The following WDR37 variants were observed in gnomAD, a reference collection of about 807,000 sequenced individuals.
WDR37 encodes the protein WD repeat domain 37, also known as WD repeat-containing protein 37.
Under a neutral mutation model 62.9 loss-of-function variants are expected in WDR37, and 19 were observed. That is an observed-to-expected ratio of 0.30 (90% confidence interval 0.21 to 0.44). The LOEUF (loss-of-function observed/expected upper bound fraction) is 0.44, where lower values mean the gene tolerates loss of function less well. WDR37 is among the 20% of genes least tolerant of loss of function. The pLI is 1.00. For missense variants in WDR37, 474 were observed against 657.6 expected, an observed-to-expected ratio of 0.72 and a Z score of 3.05; for synonymous variants, 250 against 260.9, an observed-to-expected ratio of 0.96 and a Z score of 0.40.
intron 1 of WDR37, among the ~76,000 whole-genome samples, chr10:1,063,502 C>T (rs1416783546): frequency 1.3e-5 from 2 of 152,196 alleles, no homozygotes; most frequent in Non-Finnish European, 2.9e-5. Context: ...GCAGGTACTT[C>T]AGATTCCCAC....
chr10:1,106,361 A>G (rs1835021696), intron 11 of WDR37, among the ~76,000 whole-genome samples: 1 of 151,734 alleles, frequency 6.6e-6, no homozygotes, highest in South Asian at 2.1e-4. Flanking sequence ...GCTGCTCTCC[A>G]CCCCGACGTC....
intron 13 of WDR37, among the ~76,000 whole-genome samples, chr10:1,126,009 G>T (rs969094488): frequency 2.0e-5 from 3 of 152,174 alleles, no homozygotes; most frequent in Non-Finnish European, 4.4e-5. Context: ...TTCCCTGGCG[G>T]CTCTGCTGTG....
Position 1,105,409 on chromosome 10 carries a change from A to G in WDR37, c.1103+142A>G. The G allele has an allele frequency of 8.6e-7, 1 of 1,157,646 alleles. No homozygotes were observed. The highest frequency in any genetic ancestry group is 1.2e-6 in the Non-Finnish European group (1 of 835,018). 71.7% of individuals were successfully genotyped at this position (1,157,646 alleles called of 1,614,324 possible). On this transcript the variant is annotated intron_variant, in intron 11 of 13. Transcript: ENST00000263150. The surrounding 1 kb of genome is among the most constrained non-coding windows in gnomAD (Gnocchi z 5.3). ...AAATAACTACCTTTCAAATTCTGCTATTCTTTTTCTAAACATTTAGCTCCA... is the reference window on the plus strand; with the variant it reads ...AAATAACTACCTTTCAAATTCTGCTGTTCTTTTTCTAAACATTTAGCTCCA...
At chr10:1,060,597 GT>G (rs1777498198) in intron 1 of WDR37, among the ~76,000 whole-genome samples, 1 of 152,164 alleles carries the variant, frequency 6.6e-6, no homozygotes, top group South Asian at 2.1e-4. Flanking sequence ...CTCTTTGCTT[GT>G]ATTTAGGTAA....
chr10:1,076,201 T>C (rs1360687697), intron 2 of WDR37, among the ~76,000 whole-genome samples: 1 of 152,108 alleles, frequency 6.6e-6, no homozygotes, highest in East Asian at 1.9e-4. Context: ...ATTCAGTAGA[T>C]TCAGTATTTA....
chr10:1,073,932 G>C (rs1330971790), intron 2 of WDR37, among the ~76,000 whole-genome samples: 1 of 152,120 alleles, frequency 6.6e-6, no homozygotes, highest in Non-Finnish European at 1.5e-5. Context: ...TGGGCCTGTG[G>C]ACCCCGTTCA....
intron 7 of WDR37, among the ~76,000 whole-genome samples, chr10:1,091,100 G>A (rs1589098981): frequency 6.6e-6 from 1 of 152,300 alleles, no homozygotes; most frequent in East Asian, 1.9e-4. Flanking sequence ...TTTTGAGTGG[G>A]TGAGCAGTGC....
rs539834325 is a variant in WDR37, at chr10:1,115,041, T to TG, written c.1104-9177_1104-9176insG. Among the ~76,000 whole-genome samples the TG allele has an allele frequency of 1.0e-3, 154 of 152,058 alleles. 1 individual carries two copies. The highest frequency in any genetic ancestry group is 2.5e-3 in the African/African-American group (103 of 41,530). ...CATCTCCCTTTTTTGTTTTTTTTTTTTTGTTGTTGTTATTTTGGTTGCTAT... is the reference window on the plus strand; with the variant it reads ...CATCTCCCTTTTTTGTTTTTTTTTTTGTTGTTGTTGTTATTTTGGTTGCTAT... On this transcript the variant is annotated intron_variant, in intron 11 of 13. Transcript: ENST00000263150.
intron 1 of WDR37, among the ~76,000 whole-genome samples, chr10:1,068,355 C>CCTGTAGTCCCAACCACTCGGGAGG (rs755345670): frequency 1.7e-5 from 2 of 115,496 alleles, no homozygotes; most frequent in Non-Finnish European, 3.6e-5. Flanking sequence ...GTGGCGGGCG[C>CCTGTAGTCCCAACCACTCGGGAGG]CTGAGGCAGG....
At chr10:1,126,601 A>C (rs1054574690) in intron 13 of WDR37, among the ~76,000 whole-genome samples, 3 of 152,156 alleles carry the variant, frequency 2.0e-5, no homozygotes, top group African/African-American at 7.2e-5. Flanking sequence ...GCCTGCCGGC[A>C]GCTTGGGTGG....
At chr10:1,108,759 C>T (rs1835110793) in intron 11 of WDR37, among the ~76,000 whole-genome samples, 1 of 137,316 alleles carries the variant, frequency 7.3e-6, no homozygotes, top group African/African-American at 2.6e-5. Context: ...CCCGTGGAAC[C>T]TGCAGGGCCC....
At chr10:1,068,033 A>G (rs1383516773) in intron 1 of WDR37, among the ~76,000 whole-genome samples, 1 of 152,114 alleles carries the variant, frequency 6.6e-6, no homozygotes, top group Non-Finnish European at 1.5e-5. Flanking sequence ...CATGGAGGTA[A>G]ACAGTGGAAA....
chr10:1,064,703 C>G (rs991270590), intron 1 of WDR37, among the ~76,000 whole-genome samples: 1 of 141,382 alleles, frequency 7.1e-6, no homozygotes, highest in Non-Finnish European at 1.5e-5. Flanking sequence ...TCAAGCAGTT[C>G]TGCCCTAGCC....
intron 13 of WDR37, among the ~76,000 whole-genome samples, chr10:1,126,329 C>T (rs1324411490): frequency 6.6e-6 from 1 of 151,172 alleles, no homozygotes; most frequent in Non-Finnish European, 1.5e-5. Flanking sequence ...TGGCGTGAAC[C>T]CAGGAGGCGG....
At chr10:1,065,299 T>C (rs1310613438) in intron 1 of WDR37, among the ~76,000 whole-genome samples, 1 of 152,168 alleles carries the variant, frequency 6.6e-6, no homozygotes, top group Non-Finnish European at 1.5e-5. Context: ...TTTGTATACT[T>C]TATGTGAACT....
intron 7 of WDR37, among the ~76,000 whole-genome samples, chr10:1,091,769 A>G (rs180881014): frequency 9.8e-5 from 15 of 152,310 alleles, no homozygotes; most frequent in Admixed American, 5.9e-4. Flanking sequence ...TCTGTGTTCA[A>G]TGCTGGCATT....
At chr10:1,097,407 A>C (rs1162561558) in intron 9 of WDR37, among the ~76,000 whole-genome samples, 1 of 152,202 alleles carries the variant, frequency 6.6e-6, no homozygotes, top group Non-Finnish European at 1.5e-5. Flanking sequence ...GAAGGAAGGC[A>C]TCAGACTGCT....
intron 1 of WDR37, among the ~76,000 whole-genome samples, chr10:1,058,500 C>T (rs1833272966): frequency 6.6e-6 from 1 of 152,124 alleles, no homozygotes; most frequent in South Asian, 2.1e-4. Flanking sequence ...CTGTCTTATT[C>T]TTTTCAGGGA....
chr10:1,100,452 G>A (rs945644459), intron 9 of WDR37, among the ~76,000 whole-genome samples: 1 of 152,208 alleles, frequency 6.6e-6, no homozygotes, highest in Non-Finnish European at 1.5e-5. Flanking sequence ...AGCTTTTGCC[G>A]GCCAGTGTTG....
Sources: allele counts gnomAD v4.1 joint callset (sites outside exome capture counted in the v4.1 genomes callset), GRCh38; gene constraint gnomAD v4.1.1; non-coding constraint Gnocchi (gnomAD v3.1); transcripts MANE v1.5; gene names NCBI Gene and HGNC (gene_info 2026-07-23, HGNC 2026-07-21).